Variants in DNM3 observed in about 807,000 individuals in gnomAD.
The protein encoded by DNM3 is dynamin-3.
In DNM3, 47 loss-of-function variants were observed where a neutral mutation model predicts 101.6. The observed-to-expected ratio is 0.46, with a 90% CI of 0.37 to 0.59. The LOEUF (loss-of-function observed/expected upper bound fraction) is 0.59, where lower values mean the gene tolerates loss of function less well. Ranked by LOEUF, DNM3 falls within the 20% of genes least tolerant of loss-of-function variation. DNM3 has a pLI of 0.00. For missense variants in DNM3, 849 were observed against 1,085.7 expected, an observed-to-expected ratio of 0.78 and a Z score of 3.06; for synonymous variants, 385 against 387.9, an observed-to-expected ratio of 0.99 and a Z score of 0.09.
intron 13 of DNM3, among the ~76,000 whole-genome samples, chr1:172,113,318 A>G (rs375539415): frequency 3.3e-5 from 5 of 152,250 alleles, no homozygotes; most frequent in African/African-American, 1.2e-4. Flanking sequence ...CCACAATTCT[A>G]TAAGGGGATA....
chr1:172,031,881 GT>G lies in DNM3; in HGVS notation c.590-518del, dbSNP rs200327327. 5.5e-3 allele frequency among the ~76,000 whole-genome samples: 836 copies of G among 152,180 alleles called. 6 individuals carry two copies. Among genetic ancestry groups the G allele is most frequent in the African/African-American group, 0.019 (800 of 41,544 alleles). On this transcript the variant is annotated intron_variant, in intron 4 of 20. Coordinates refer to ENST00000627582, the MANE Select transcript of DNM3 (RefSeq NM_015569.5). ...ATAGTGAATGCTGTGTGGCTTACAAGTTTATTTTTGGTGATGGCACTTTACC... is the reference window on the plus strand; with the variant it reads ...ATAGTGAATGCTGTGTGGCTTACAAGTTATTTTTGGTGATGGCACTTTACC...
Position 172,079,449 on chromosome 1 carries a change from G to C in DNM3, c.1423-2383G>C, listed in dbSNP as rs537897539. Among the ~76,000 whole-genome samples, 3 of 151,914 alleles carry C rather than the reference G, an allele frequency of 2.0e-5. No individual in the cohort carries two copies. The South Asian group carries it at 6.2e-4, about 32-fold the overall frequency. On this transcript the variant is annotated intron_variant, in intron 11 of 20. Coordinates refer to ENST00000627582, the MANE Select transcript of DNM3 (RefSeq NM_015569.5). ...TGTGTATGCTTCACAAAGTTCTTGTGCTGTGTTTCTCAGCTCCATCAGGTC... is the reference window on the plus strand; with the variant it reads ...TGTGTATGCTTCACAAAGTTCTTGTCCTGTGTTTCTCAGCTCCATCAGGTC...
intron 10 of DNM3, among the ~76,000 whole-genome samples, chr1:172,061,786 C>G (rs1416267125): frequency 2.0e-5 from 3 of 151,260 alleles, no homozygotes; most frequent in Non-Finnish European, 4.4e-5. Flanking sequence ...CAGCATGGCA[C>G]ATGTATACAT....
intron 16 of DNM3, chr1:172,310,135 C>T (rs932323014): frequency 9.9e-5 from 15 of 152,200 alleles, no homozygotes; most frequent in Non-Finnish European, 1.8e-4. Context: ...ATATATACCA[C>T]TCTAAAGACT....
At chr1:172,290,560 C>T (rs1289624582) in intron 15 of DNM3, among the ~76,000 whole-genome samples, 1 of 152,212 alleles carries the variant, frequency 6.6e-6, no homozygotes, top group South Asian at 2.1e-4. Context: ...TTTTTCCACT[C>T]GCCGTGAGAA....
intron 20 of DNM3, among the ~76,000 whole-genome samples, chr1:172,404,618 C>T (rs551062513): frequency 1.1e-4 from 17 of 152,170 alleles, no homozygotes; most frequent in African/African-American, 3.1e-4. Flanking sequence ...TTTTTCCCTT[C>T]AATCGCCATC....
intron 18 of DNM3, among the ~76,000 whole-genome samples, chr1:172,380,466 G>GT (rs2068835338): frequency 6.6e-6 from 1 of 152,064 alleles, no homozygotes; most frequent in Non-Finnish European, 1.5e-5. Context: ...TTTCATACAC[G>GT]TATGTATTCA....
chr1:172,073,639 T>G (rs2052399630), intron 11 of DNM3, among the ~76,000 whole-genome samples: 2 of 152,172 alleles, frequency 1.3e-5, no homozygotes. Flanking sequence ...ATGAGGACTC[T>G]GATGCGTTCA....
chr1:172,412,692 T>C lies in DNM3; in HGVS notation c.*4851T>C, dbSNP rs1558112120. 4.1e-6 allele frequency: 4 copies of C among 985,670 alleles called. No individual in the cohort carries two copies. Among genetic ancestry groups the C allele is most frequent in the East Asian group, 2.3e-4 (2 of 8,816 alleles). The allele number at this position is 985,670 out of a possible 1,614,324, so 61.1% of individuals were successfully genotyped here. A position where few individuals can be genotyped will look rare whatever the true frequency, so the allele number is the denominator to read the frequency against. On this transcript the variant is annotated 3_prime_UTR_variant, in exon 21 of 21. Transcript: ENST00000627582. ...AAATGTGAAGCTGTATTTCTGAAGC[T>C]GAAATAAATTATAACATTTGAAGGA...
intron 2 of DNM3, among the ~76,000 whole-genome samples, chr1:171,934,505 CT>C (rs2041263097): frequency 2.0e-5 from 3 of 152,190 alleles, no homozygotes; most frequent in Admixed American, 6.6e-5. Flanking sequence ...TTCTCTTTTA[CT>C]TTCTTCTATT....
intron 13 of DNM3, among the ~76,000 whole-genome samples, chr1:172,110,063 A>G (rs1457759455): frequency 6.6e-6 from 1 of 152,222 alleles, no homozygotes; most frequent in South Asian, 2.1e-4. Context: ...TCAACCATTC[A>G]GAAATACTCC....
chr1:172,109,960 T>TG (rs2055340106), intron 13 of DNM3, among the ~76,000 whole-genome samples: 1 of 152,252 alleles, frequency 6.6e-6, no homozygotes, highest in Non-Finnish European at 1.5e-5. Flanking sequence ...GACATTCTGC[T>TG]GAAATTACAA....
At chr1:171,913,632 T>G (rs1192904061) in intron 1 of DNM3, among the ~76,000 whole-genome samples, 1 of 152,216 alleles carries the variant, frequency 6.6e-6, no homozygotes, top group Admixed American at 6.5e-5. Context: ...TTGACCTCAG[T>G]GCTTCTTGGA....
At chr1:172,013,933 G>T (rs2047285101) in intron 4 of DNM3, among the ~76,000 whole-genome samples, 1 of 152,038 alleles carries the variant, frequency 6.6e-6, no homozygotes, top group South Asian at 2.1e-4. Flanking sequence ...ATTTTGAGCA[G>T]TTTTAAGTAC....
At chr1:171,920,208 C>T (rs2040046617) in intron 1 of DNM3, among the ~76,000 whole-genome samples, 2 of 152,300 alleles carry the variant, frequency 1.3e-5, no homozygotes, top group African/African-American at 2.4e-5. Flanking sequence ...TCCAAACTAT[C>T]AGTGCAGCTA....
intron 15 of DNM3, among the ~76,000 whole-genome samples, chr1:172,294,224 C>A (rs542321918): frequency 1.3e-5 from 2 of 152,296 alleles, no homozygotes; most frequent in South Asian, 2.1e-4. Context: ...GAATATATTT[C>A]TTTTAAATGT....
At chr1:172,324,638 T>C (rs1379829710) in intron 17 of DNM3, among the ~76,000 whole-genome samples, 1 of 152,194 alleles carries the variant, frequency 6.6e-6, no homozygotes, top group African/African-American at 2.4e-5. Context: ...AAGTAATGGC[T>C]AATATTTATA....
At chr1:171,888,615 A>T (rs2036987255) in intron 1 of DNM3, among the ~76,000 whole-genome samples, 2 of 152,188 alleles carry the variant, frequency 1.3e-5, no homozygotes, top group Non-Finnish European at 2.9e-5. Context: ...GTCAAATATG[A>T]TAATACAACA....
At chr1:172,296,965 A>C (rs2064191775) in intron 15 of DNM3, among the ~76,000 whole-genome samples, 1 of 152,146 alleles carries the variant, frequency 6.6e-6, no homozygotes, top group African/African-American at 2.4e-5. Context: ...CAACAATGTG[A>C]AATCCCATCT....
Sources: allele counts gnomAD v4.1 joint callset (sites outside exome capture counted in the v4.1 genomes callset), GRCh38; gene constraint gnomAD v4.1.1; transcripts MANE v1.5; gene names NCBI Gene and HGNC (gene_info 2026-07-23, HGNC 2026-07-21).